Variants in PITPNC1 observed in about 807,000 individuals in gnomAD.
PITPNC1 encodes cytoplasmic phosphatidylinositol transfer protein 1.
In PITPNC1, 18 loss-of-function variants were observed where a neutral mutation model predicts 44.7. The observed-to-expected ratio is 0.40, with a 90% CI of 0.28 to 0.60. The LOEUF is 0.60. Ranked by LOEUF, PITPNC1 falls within the 20% of genes least tolerant of loss-of-function variation. The pLI is 0.39. For missense variants in PITPNC1, 290 were observed against 418.4 expected (o/e 0.69, Z 2.68); for synonymous variants, 141 against 149.6 (o/e 0.94, Z 0.42).
At chr17:67,566,474 G>T (rs761956152) in intron 4 of PITPNC1, among the ~76,000 whole-genome samples, 2 of 152,166 alleles carry the variant, frequency 1.3e-5, no homozygotes, top group Non-Finnish European at 2.9e-5. Flanking sequence ...AAAGTGCTGG[G>T]ATTACAGGCA....
chr17:67,500,049 C>T (rs986864833), intron 1 of PITPNC1, among the ~76,000 whole-genome samples: 2 of 152,202 alleles, frequency 1.3e-5, no homozygotes, highest in African/African-American at 4.8e-5. Context: ...TATAAGTAGG[C>T]TGCAGAGGAT....
At chr17:67,498,336 G>A (rs914256115) in intron 1 of PITPNC1, among the ~76,000 whole-genome samples, 2 of 151,918 alleles carry the variant, frequency 1.3e-5, no homozygotes, top group East Asian at 3.9e-4. Flanking sequence ...GCTCAGGCCT[G>A]TAATCCCAGC....
intron 1 of PITPNC1, among the ~76,000 whole-genome samples, chr17:67,388,561 C>G (rs2038088808): frequency 6.6e-6 from 1 of 151,594 alleles, no homozygotes; most frequent in Non-Finnish European, 1.5e-5. Flanking sequence ...ACCTAGTGAT[C>G]CACCTGTCTT....
intron 1 of PITPNC1, among the ~76,000 whole-genome samples, chr17:67,384,153 AGG>A (rs1282666233): frequency 6.6e-6 from 1 of 152,168 alleles, no homozygotes; most frequent in African/African-American, 2.4e-5. Context: ...TGTGGTCTCT[AGG>A]GATATGGTGC....
At chr17:67,406,762 T>A (rs2143832827) in intron 1 of PITPNC1, among the ~76,000 whole-genome samples, 1 of 151,994 alleles carries the variant, frequency 6.6e-6, no homozygotes, top group East Asian at 1.9e-4. Flanking sequence ...AATTTTTGTA[T>A]TTTTAGTAGA....
At chr17:67,436,539 C>T (rs1034909172) in intron 1 of PITPNC1, among the ~76,000 whole-genome samples, 1 of 152,016 alleles carries the variant, frequency 6.6e-6, no homozygotes, top group Non-Finnish European at 1.5e-5. Flanking sequence ...ATGGAACGAA[C>T]GTACCGGACA....
At chr17:67,599,316 T>G (rs2041511843) in intron 5 of PITPNC1, among the ~76,000 whole-genome samples, 2 of 151,990 alleles carry the variant, frequency 1.3e-5, no homozygotes, top group African/African-American at 4.8e-5. Context: ...GTAGGGAATT[T>G]GGTATATAAA....
intron 1 of PITPNC1, among the ~76,000 whole-genome samples, chr17:67,511,054 T>C (rs1362031149): frequency 6.6e-6 from 1 of 152,182 alleles, no homozygotes; most frequent in Non-Finnish European, 1.5e-5. Context: ...TTTCTATTCA[T>C]ATATGAGTAC....
At chr17:67,483,334 C>T (rs1236569518) in intron 1 of PITPNC1, among the ~76,000 whole-genome samples, 1 of 152,182 alleles carries the variant, frequency 6.6e-6, no homozygotes, top group Non-Finnish European at 1.5e-5. Context: ...AAACATTTTA[C>T]TTCTTCCAAA....
chr17:67,383,420 A>T (rs116594958), intron 1 of PITPNC1, among the ~76,000 whole-genome samples: 2,162 of 152,270 alleles, frequency 0.014, 57 homozygotes, highest in African/African-American at 0.049. Flanking sequence ...CTGAGGACCC[A>T]TGTGTAAAGC....
chr17:67,405,091 A>T (rs1389511099), intron 1 of PITPNC1, among the ~76,000 whole-genome samples: 2 of 152,128 alleles, frequency 1.3e-5, no homozygotes, highest in Non-Finnish European at 2.9e-5. Context: ...TACTAAAAAT[A>T]CAAAAATTAG....
At chr17:67,680,381 C>T (rs185296270) in intron 8 of PITPNC1, among the ~76,000 whole-genome samples, 1 of 152,232 alleles carries the variant, frequency 6.6e-6, no homozygotes, top group African/African-American at 2.4e-5. Flanking sequence ...GGGCAGATCA[C>T]CTGAGGTCAG....
intron 5 of PITPNC1, among the ~76,000 whole-genome samples, chr17:67,621,943 C>T (rs190779546): frequency 3.9e-5 from 6 of 152,126 alleles, no homozygotes; most frequent in African/African-American, 1.4e-4. Context: ...GTAGCAAGAC[C>T]CTGTATCTAT....
At chr17:67,644,425 ATTT>A (rs750245444) in intron 6 of PITPNC1, among the ~76,000 whole-genome samples, 1,757 of 108,874 alleles carry the variant, frequency 0.016, 13 homozygotes, top group African/African-American at 0.045. Flanking sequence ...TCCCTCTGTA[ATTT>A]TTTTTTTTTT....
At chr17:67,657,215 GCATTTACCTGGATGTT>G (rs2144378498) in intron 6 of PITPNC1, among the ~76,000 whole-genome samples, 1 of 148,286 alleles carries the variant, frequency 6.7e-6, no homozygotes, top group South Asian at 2.3e-4. Context: ...TCATTCAAAA[GCATTTACCTGGATGTT>G]CATTTCTAAT....
chr17:67,498,815 C>T (rs1353498493), intron 1 of PITPNC1, among the ~76,000 whole-genome samples: 1 of 149,874 alleles, frequency 6.7e-6, no homozygotes, highest in East Asian at 1.9e-4. Context: ...AATATCATTT[C>T]ATATACTCAT....
intron 1 of PITPNC1, among the ~76,000 whole-genome samples, chr17:67,495,040 G>GTTTTT (rs879366971): frequency 0.021 from 1,356 of 64,660 alleles, 226 homozygotes; most frequent in Non-Finnish European, 0.022. Flanking sequence ...CCATGGAGTT[G>GTTTTT]TTTTTTTTTT....
At chr17:67,418,828 C>T (rs1192900725) in intron 1 of PITPNC1, among the ~76,000 whole-genome samples, 5 of 152,140 alleles carry the variant, frequency 3.3e-5, no homozygotes, top group South Asian at 2.1e-4. Flanking sequence ...CCCAAACTGC[C>T]GGGATTACAG....
At chr17:67,396,049 A>AGG (rs2038215538) in intron 1 of PITPNC1, among the ~76,000 whole-genome samples, 2 of 152,214 alleles carry the variant, frequency 1.3e-5, no homozygotes, top group African/African-American at 4.8e-5. Flanking sequence ...GAGTGTAATT[A>AGG]TGCTTTTCAG....
Sources: allele counts gnomAD v4.1 joint callset (sites outside exome capture counted in the v4.1 genomes callset), GRCh38; gene constraint gnomAD v4.1.1; transcripts MANE v1.5; gene names NCBI Gene and HGNC (gene_info 2026-07-23, HGNC 2026-07-21).